The following RELL1 variants were observed in gnomAD, a reference collection of about 807,000 sequenced individuals.
The protein encoded by RELL1 is RELT like 1.
Under a neutral mutation model 23.0 loss-of-function variants are expected in RELL1, and 10 were observed. The observed-to-expected ratio is 0.43, with a 90% CI of 0.27 to 0.74. The LOEUF is 0.74. RELL1 is among the 30% of genes least tolerant of loss of function. The pLI is 0.19. For synonymous variants in RELL1, 146 were observed against 146.8 expected, an observed-to-expected ratio of 0.99 and a Z score of 0.04; for missense variants, 315 against 364.4, an observed-to-expected ratio of 0.86 and a Z score of 1.10.
downstream of RELL1, chr4:37,588,961 T>A: frequency 8.0e-7 from 1 of 1,246,590 alleles, no homozygotes; most frequent in Non-Finnish European, 1.2e-6. Context: ...GGGTCACTTT[T>A]AAAGACCATG....
chr4:37,647,617 T>C (rs1000209586), intron 2 of RELL1, among the ~76,000 whole-genome samples, 178 bp from the exon 3 acceptor site: 1 of 152,328 alleles, frequency 6.6e-6, no homozygotes, highest in East Asian at 1.9e-4. Flanking sequence ...ATAACAAGCA[T>C]AAAGAGAAAG....
chr4:37,608,119 C>A (rs1323862276), downstream of RELL1, among the ~76,000 whole-genome samples: 1 of 152,118 alleles, frequency 6.6e-6, no homozygotes, highest in Admixed American at 6.5e-5. Flanking sequence ...TCCAACTGCC[C>A]GACCAACCAG....
intron 6 of RELL1, among the ~76,000 whole-genome samples, chr4:37,628,799 G>A (rs1250691465): frequency 6.6e-6 from 1 of 152,190 alleles, no homozygotes; most frequent in Non-Finnish European, 1.5e-5. Flanking sequence ...GCTCAGATTT[G>A]CACCCATGTC....
chr4:37,598,506 T>C (rs943156977), intron 6 of RELL1, among the ~76,000 whole-genome samples: 2 of 152,104 alleles, frequency 1.3e-5, no homozygotes, highest in African/African-American at 4.8e-5. Context: ...CAGTCAGCCT[T>C]GTTCTAAGTA....
At chr4:37,636,467 C>T (rs987790199) in intron 4 of RELL1, among the ~76,000 whole-genome samples, 13 of 151,790 alleles carry the variant, frequency 8.6e-5, no homozygotes, top group East Asian at 3.9e-4. Context: ...TGGTGGCGGG[C>T]GCCTGTAGTC....
chr4:37,595,303 T>A (rs1351453542), intron 6 of RELL1, among the ~76,000 whole-genome samples: 1 of 152,242 alleles, frequency 6.6e-6, no homozygotes, highest in Admixed American at 6.5e-5. Context: ...TTAAGAAACA[T>A]TTTATGCAAG....
intron 1 of RELL1, among the ~76,000 whole-genome samples, chr4:37,667,899 T>C (rs1397075543): frequency 2.6e-5 from 4 of 151,998 alleles, no homozygotes; most frequent in Non-Finnish European, 4.4e-5. Flanking sequence ...TAGAAACACT[T>C]TGTATGAAGG....
chr4:37,639,105 C>T (rs963730777), intron 3 of RELL1, among the ~76,000 whole-genome samples: 3 of 152,072 alleles, frequency 2.0e-5, no homozygotes, highest in African/African-American at 7.2e-5. Context: ...CAAGTATTGG[C>T]CAGGCGCTGT....
At chr4:37,598,095 A>ATATATATATATAT (rs1174324006) in intron 6 of RELL1, among the ~76,000 whole-genome samples, 9 of 143,440 alleles carry the variant, frequency 6.3e-5, no homozygotes, top group Non-Finnish European at 9.1e-5. Flanking sequence ...ATATATATAT[A>ATATATATATATAT]ACTCCTCCTA....
intron 6 of RELL1, among the ~76,000 whole-genome samples, chr4:37,592,862 A>G (rs1718685352): frequency 6.6e-6 from 1 of 152,254 alleles, no homozygotes; most frequent in Non-Finnish European, 1.5e-5. Context: ...TTCCTTTAAC[A>G]AACATTTTTA....
intron 5 of RELL1, among the ~76,000 whole-genome samples, chr4:37,633,952 T>C (rs887938761): frequency 3.3e-5 from 5 of 152,240 alleles, no homozygotes; most frequent in African/African-American, 1.2e-4. Context: ...AGAAGGATCA[T>C]GTAAGCAGCA....
In RELL1 at chr4:37,657,894, G is replaced by T. The variant is rs56191025; in HGVS notation, c.89-8394C>A. Among the ~76,000 whole-genome samples, 364 of 152,128 alleles carry T rather than the reference G, an allele frequency of 2.4e-3. 1 individual carries two copies. Among genetic ancestry groups the T allele is most frequent in the African/African-American group, 7.9e-3 (328 of 41,478 alleles). On this transcript the variant is annotated intron_variant, in intron 1 of 6. Transcript: ENST00000454158. Reference sequence around the variant, plus strand: ...GCCACTCTACTGGGAGGGTGGGTCAGCCTGGGGGACACAGCGAGACCCTGT... The same window carrying T: ...GCCACTCTACTGGGAGGGTGGGTCATCCTGGGGGACACAGCGAGACCCTGT...
chr4:37,666,835 C>T (rs979020286), intron 1 of RELL1, among the ~76,000 whole-genome samples: 3 of 152,128 alleles, frequency 2.0e-5, no homozygotes, highest in Admixed American at 2.0e-4. Context: ...CAGAGAACTA[C>T]AAAAGTCCTA....
intron 6 of RELL1, among the ~76,000 whole-genome samples, chr4:37,602,158 G>A (rs562605893): frequency 1.5e-4 from 23 of 150,576 alleles, no homozygotes; most frequent in Non-Finnish European, 2.8e-4. Context: ...TCGAGGCTCT[G>A]GTGAGCCATG....
intron 1 of RELL1, among the ~76,000 whole-genome samples, chr4:37,650,005 TC>T (rs1419687648): frequency 6.6e-6 from 1 of 152,196 alleles, no homozygotes; most frequent in Non-Finnish European, 1.5e-5. Context: ...GAACTTAACA[TC>T]TTGATGCCTT....
rs140998715 is a variant in RELL1, at chr4:37,660,058, GCA to G, written c.89-10560_89-10559del. The stretch of plus-strand genomic sequence containing the variant: ...AGGTTAGCTGGAAAATAGTTTTTAA[GCA>G]CACACACACACCCATTTTTATTTAT... On this transcript the variant is annotated intron_variant, in intron 1 of 6. Coordinates refer to ENST00000454158, the MANE Select transcript of RELL1 (RefSeq NM_001085400.2). 3.2e-3 allele frequency among the ~76,000 whole-genome samples: 492 copies of G among 152,088 alleles called. 4 individuals carry two copies. Among genetic ancestry groups the G allele is most frequent in the African/African-American group, 0.011 (468 of 41,472 alleles).
chr4:37,625,049 C>T (rs1026896216), intron 6 of RELL1, among the ~76,000 whole-genome samples: 2 of 152,082 alleles, frequency 1.3e-5, no homozygotes, highest in Non-Finnish European at 2.9e-5. Context: ...ATGAAATAAC[C>T]GGGGCTTGAA....
intron 4 of RELL1, among the ~76,000 whole-genome samples, chr4:37,635,432 C>A (rs1720290550): frequency 6.6e-6 from 1 of 151,946 alleles, no homozygotes; most frequent in Admixed American, 6.6e-5. Context: ...TTGAGACCAG[C>A]CTGAGCAACA....
At chr4:37,621,418 T>G (rs887631502) in intron 6 of RELL1, among the ~76,000 whole-genome samples, 2 of 151,898 alleles carry the variant, frequency 1.3e-5, no homozygotes, top group Non-Finnish European at 2.9e-5. Context: ...ATCGCGCCAC[T>G]GCACTCCAGC....
Sources: allele counts gnomAD v4.1 joint callset (sites outside exome capture counted in the v4.1 genomes callset), GRCh38; gene constraint gnomAD v4.1.1; transcripts MANE v1.5; gene names NCBI Gene and HGNC (gene_info 2026-07-23, HGNC 2026-07-21).